The following FAM13B variants were observed in gnomAD, a reference collection of about 807,000 sequenced individuals.
FAM13B encodes the protein family with sequence similarity 13 member B.
Under a neutral mutation model 117.3 loss-of-function variants are expected in FAM13B, and 60 were observed. The ratio of observed to expected loss-of-function variants is 0.51; its 90% CI spans 0.42 to 0.63. The LOEUF (loss-of-function observed/expected upper bound fraction) is 0.63. FAM13B is among the 30% of genes least tolerant of loss of function. The pLI, the probability that FAM13B is intolerant of heterozygous loss-of-function variation, is 0.00. For synonymous variants in FAM13B, 332 were observed against 356.1 expected, an observed-to-expected ratio of 0.93 and a Z score of 0.76; for missense variants, 972 against 1,091.9, an observed-to-expected ratio of 0.89 and a Z score of 1.55.
intron 10 of FAM13B, 43 bp downstream of exon 10, chr5:137,985,214 A>C (rs1485782183): frequency 6.3e-7 from 1 of 1,593,188 alleles, no homozygotes; most frequent in East Asian, 2.2e-5. Context: ...CACATGAAGC[A>C]ATCAAAGTTG....
At chr5:137,967,871 T>G (rs1454684952) in intron 10 of FAM13B, among the ~76,000 whole-genome samples, 2 of 150,772 alleles carry the variant, frequency 1.3e-5, no homozygotes, top group African/African-American at 4.9e-5. Context: ...GCAGCCTGGG[T>G]GACTAAAGCA....
intron 20 of FAM13B, among the ~76,000 whole-genome samples, chr5:137,945,064 TA>T (rs1763072514): frequency 6.6e-6 from 1 of 151,832 alleles, no homozygotes; most frequent in South Asian, 2.1e-4. Flanking sequence ...TACACCCAGG[TA>T]ATTAAACTGC....
intron 10 of FAM13B, among the ~76,000 whole-genome samples, chr5:137,983,176 TAAA>T (rs56880991): frequency 1.3e-4 from 10 of 75,110 alleles, no homozygotes; most frequent in African/African-American, 4.0e-4. Context: ...CCAGTGTAGG[TAAA>T]AAAAAAAAAA....
intron 10 of FAM13B, among the ~76,000 whole-genome samples, chr5:137,976,814 A>AT (rs1270313319): frequency 1.3e-5 from 2 of 152,102 alleles, no homozygotes; most frequent in African/African-American, 4.8e-5. Flanking sequence ...AGGAGGATGT[A>AT]TTTCGCCTCA....
chr5:137,963,812 T>G lies in FAM13B; in HGVS notation c.1180-1343A>C, dbSNP rs768343328. Among the ~76,000 whole-genome samples, 80 of 152,296 alleles carry G rather than the reference T, an allele frequency of 5.3e-4. 1 individual carries two copies. Among genetic ancestry groups the G allele is most frequent in the Admixed American group, 1.0e-3 (16 of 15,300 alleles). ...GAGGCATGGACCCTATTGTGAGCTG[T>G]GCAAACAAGGGATCTAGGTTGTGTT... On this transcript the variant is annotated intron_variant, in intron 10 of 23. Coordinates refer to ENST00000689681, the MANE Select transcript of FAM13B (RefSeq NM_001385994.1).
chr5:137,984,692 A>C (rs1029504171), intron 10 of FAM13B, among the ~76,000 whole-genome samples: 3 of 152,354 alleles, frequency 2.0e-5, no homozygotes, highest in African/African-American at 7.2e-5. Context: ...TAAAAATAAC[A>C]AAAGTCAACC....
At chr5:137,988,555 A>G (rs1777813028) in intron 7 of FAM13B, among the ~76,000 whole-genome samples, 1 of 152,238 alleles carries the variant, frequency 6.6e-6, no homozygotes, top group African/African-American at 2.4e-5. Context: ...CAAAAATTTT[A>G]AAGTTAGAAT....
chr5:137,998,932 T>A (rs1440706217), intron 7 of FAM13B, among the ~76,000 whole-genome samples: 1 of 152,182 alleles, frequency 6.6e-6, no homozygotes, highest in African/African-American at 2.4e-5. Context: ...CTGCCTGTTA[T>A]CACACCAGAG....
chr5:138,011,068 C>T lies in FAM13B; in HGVS notation c.630G>A (p.Glu210=). 1 of 1,605,528 alleles carries T rather than the reference C, an allele frequency of 6.2e-7. No homozygotes were observed. Among genetic ancestry groups the T allele is most frequent in the South Asian group, 1.1e-5 (1 of 90,032 alleles). The change falls in exon 6 of 24, where the codon GAG becomes GAA. Residue 210 remains glutamate, a synonymous_variant. Coordinates refer to ENST00000689681, the MANE Select transcript of FAM13B (RefSeq NM_001385994.1). ...AATCTTCCTCTTCATTCTCAAAAAACTCATAGTAGTTTTCCAGAAGTCCAG... is the reference window on the plus strand; with the variant it reads ...AATCTTCCTCTTCATTCTCAAAAAATTCATAGTAGTTTTCCAGAAGTCCAG... ...IMAGLLENYY[E]FFENEEEDFS...
At chr5:138,001,806 T>C (rs1006384589) in intron 7 of FAM13B, among the ~76,000 whole-genome samples, 1 of 152,162 alleles carries the variant, frequency 6.6e-6, no homozygotes, top group African/African-American at 2.4e-5. Flanking sequence ...TGCAGCTATC[T>C]AGTGGCACAT....
chr5:137,952,572 T>C, intron 17 of FAM13B, 56 bp downstream of exon 17: 1 of 1,089,908 alleles, frequency 9.2e-7, no homozygotes, highest in Non-Finnish European at 1.3e-6. Flanking sequence ...TTCTCAGACA[T>C]TAATATAAAA....
chr5:137,942,736 C>T, intron 22 of FAM13B, 139 bp downstream of exon 22: 1 of 637,108 alleles, frequency 1.6e-6, no homozygotes, highest in Non-Finnish European at 2.5e-6. Flanking sequence ...ATTTGCAAAT[C>T]ACACTTGAAA....
intron 1 of FAM13B, among the ~76,000 whole-genome samples, chr5:138,047,321 A>C (rs1472404933): frequency 6.6e-6 from 1 of 151,582 alleles, no homozygotes; most frequent in Non-Finnish European, 1.5e-5. Context: ...CCTGACTAAC[A>C]GGGTGAAACC....
intron 1 of FAM13B, among the ~76,000 whole-genome samples, chr5:138,030,551 T>C (rs1242173803): frequency 6.6e-6 from 1 of 152,136 alleles, no homozygotes; most frequent in Admixed American, 6.6e-5. Flanking sequence ...CCACAAGTTT[T>C]ATTACATATT....
intron 4 of FAM13B, among the ~76,000 whole-genome samples, chr5:138,017,543 T>C (rs1340835051): frequency 2.0e-5 from 3 of 152,266 alleles, no homozygotes; most frequent in East Asian, 1.9e-4. Context: ...TCAAGAAATA[T>C]ATAACTCTAT....
intron 6 of FAM13B, among the ~76,000 whole-genome samples, chr5:138,007,955 A>G (rs1782967532): frequency 6.6e-6 from 1 of 152,260 alleles, no homozygotes; most frequent in Admixed American, 6.5e-5. Context: ...TCTCCATGCT[A>G]GAAAAATGCA....
At chr5:137,979,703 C>T (rs997434315) in intron 10 of FAM13B, among the ~76,000 whole-genome samples, 1 of 152,078 alleles carries the variant, frequency 6.6e-6, no homozygotes, top group African/African-American at 2.4e-5. Flanking sequence ...AAATCCAGCC[C>T]TATAAAAAGC....
chr5:138,013,231 G>A (rs1460523551), intron 4 of FAM13B, among the ~76,000 whole-genome samples: 1 of 151,544 alleles, frequency 6.6e-6, no homozygotes, highest in Non-Finnish European at 1.5e-5. Flanking sequence ...GCTGGGCGCG[G>A]TGGCTCACGC....
In FAM13B at chr5:137,997,424, G is replaced by A. The variant is rs369028371; in HGVS notation, c.849-9109C>T. Among the ~76,000 whole-genome samples, 48 of 151,956 alleles carry A rather than the reference G, an allele frequency of 3.2e-4. 1 individual carries two copies. In the South Asian group the frequency reaches 6.8e-3, roughly 22 times the overall value. On this transcript the variant is annotated intron_variant, in intron 7 of 23. Coordinates refer to ENST00000689681, the MANE Select transcript of FAM13B (RefSeq NM_001385994.1). Reference sequence around the variant, plus strand: ...GCGGAGGTTGCGGTGAGCTGAGATCGTGCCATTGCACTCCAGCCTGGACAA... The same window carrying A: ...GCGGAGGTTGCGGTGAGCTGAGATCATGCCATTGCACTCCAGCCTGGACAA...
Sources: gnomAD v4.1 joint callset for allele counts (sites outside exome capture counted in the v4.1 genomes callset) on GRCh38, gnomAD v4.1.1 for gene constraint, MANE v1.5 for transcripts, NCBI Gene and HGNC (gene_info 2026-07-23, HGNC 2026-07-21) for gene names.